The following LMNTD1 variants were observed in gnomAD, a reference collection of about 807,000 sequenced individuals.
LMNTD1 encodes the protein lamin tail domain containing 1, also known as lamin tail domain-containing protein 1.
In LMNTD1, 35 loss-of-function variants were observed where a neutral mutation model predicts 50.9. The observed-to-expected ratio is 0.69, with a 90% CI of 0.53 to 0.91. LMNTD1 has a LOEUF of 0.91. LMNTD1 is among the 40% of genes least tolerant of loss of function. The pLI, the probability that LMNTD1 is intolerant of heterozygous loss-of-function variation, is 0.00. For synonymous variants in LMNTD1, 153 were observed against 161.9 expected (o/e 0.94, Z 0.42); for missense variants, 470 against 475.5 (o/e 0.99, Z 0.11).
chr12:25,642,660 C>T (rs1946979731), intron 1 of LMNTD1, among the ~76,000 whole-genome samples: 1 of 152,150 alleles, frequency 6.6e-6, no homozygotes, highest in Non-Finnish European at 1.5e-5. Context: ...TAACTTTCTT[C>T]CTTTCAAAAA....
At chr12:25,527,498 T>C (rs1485938280) in intron 4 of LMNTD1, among the ~76,000 whole-genome samples, 1 of 151,062 alleles carries the variant, frequency 6.6e-6, no homozygotes, top group Non-Finnish European at 1.5e-5. Flanking sequence ...TCATTATGTA[T>C]CAGCATTTTT....
At chr12:25,573,818 A>G (rs184359628) in intron 1 of LMNTD1, among the ~76,000 whole-genome samples, 1 of 152,076 alleles carries the variant, frequency 6.6e-6, no homozygotes, top group South Asian at 2.1e-4. Context: ...TTCACCTACC[A>G]CATGAGTCTC....
At chr12:25,603,602 G>T (rs1325193023) in intron 1 of LMNTD1, among the ~76,000 whole-genome samples, 1 of 151,928 alleles carries the variant, frequency 6.6e-6, no homozygotes, top group Non-Finnish European at 1.5e-5. Context: ...AGAAATATTT[G>T]TTGAAAAAAT....
intron 8 of LMNTD1, among the ~76,000 whole-genome samples, chr12:25,516,243 T>G (rs1279767212): frequency 1.3e-5 from 2 of 152,266 alleles, no homozygotes; most frequent in Admixed American, 1.3e-4. Flanking sequence ...GAAAAAAAAG[T>G]TATGTAACGA....
intron 1 of LMNTD1, among the ~76,000 whole-genome samples, chr12:25,581,824 T>C (rs185345796): frequency 2.6e-5 from 4 of 152,354 alleles, no homozygotes; most frequent in Admixed American, 2.6e-4. Flanking sequence ...CATGTTACTG[T>C]ACTGAATACT....
chr12:25,538,195 A>C (rs201765448), intron 4 of LMNTD1, among the ~76,000 whole-genome samples: 18,260 of 74,102 alleles, frequency 0.25, 6,864 homozygotes, highest in East Asian at 0.55. Context: ...AAGGCAGGCC[A>C]ACATTCAGAT....
At chr12:25,522,695 T>C (rs531198956) in intron 6 of LMNTD1, among the ~76,000 whole-genome samples, 1 of 152,256 alleles carries the variant, frequency 6.6e-6, no homozygotes, top group East Asian at 1.9e-4. Flanking sequence ...TGCAAAACAA[T>C]GTATTGGGAA....
intron 1 of LMNTD1, among the ~76,000 whole-genome samples, chr12:25,624,222 G>C (rs1027272479): frequency 1.3e-5 from 2 of 152,012 alleles, no homozygotes; most frequent in African/African-American, 2.4e-5. Flanking sequence ...CTTTTCAGAA[G>C]TAGTTAACTC....
intron 3 of LMNTD1, among the ~76,000 whole-genome samples, chr12:25,548,018 G>A (rs1943532581): frequency 6.6e-6 from 1 of 151,708 alleles, no homozygotes; most frequent in East Asian, 1.9e-4. Context: ...TAGAACATAT[G>A]CCATGATGAT....
At chr12:25,523,249 G>T (rs1941470701) in intron 6 of LMNTD1, among the ~76,000 whole-genome samples, 1 of 152,070 alleles carries the variant, frequency 6.6e-6, no homozygotes, top group Non-Finnish European at 1.5e-5. Context: ...GGCCAGGCTG[G>T]TATCAAACTC....
At chr12:25,635,198 C>T (rs1213847059) in intron 1 of LMNTD1, among the ~76,000 whole-genome samples, 2 of 148,152 alleles carry the variant, frequency 1.3e-5, no homozygotes, top group Non-Finnish European at 3.0e-5. Context: ...CGAAATCACA[C>T]CATTGCACTC....
At chr12:25,629,984 A>C (rs1269408245) in intron 1 of LMNTD1, among the ~76,000 whole-genome samples, 1 of 152,164 alleles carries the variant, frequency 6.6e-6, no homozygotes, top group Non-Finnish European at 1.5e-5. Flanking sequence ...GTGGATGCTA[A>C]CCAATGGAAG....
chr12:25,533,716 G>T (rs907856589), intron 4 of LMNTD1, among the ~76,000 whole-genome samples: 3 of 152,136 alleles, frequency 2.0e-5, no homozygotes, highest in Non-Finnish European at 1.5e-5. Context: ...GAGCCCTCAC[G>T]CCTGAAAGTT....
At chr12:25,522,429 C>T (rs1008872584) in intron 6 of LMNTD1, among the ~76,000 whole-genome samples, 2 of 152,072 alleles carry the variant, frequency 1.3e-5, no homozygotes, top group Non-Finnish European at 2.9e-5. Context: ...TCTAGAATGT[C>T]GGCCACATGA....
At chr12:25,492,053 A>G (rs1938900949) in intron 9 of LMNTD1, among the ~76,000 whole-genome samples, 1 of 152,226 alleles carries the variant, frequency 6.6e-6, no homozygotes, top group Non-Finnish European at 1.5e-5. Context: ...TAGATTTCAA[A>G]CTATGGGAAA....
chr12:25,519,077 C>A lies in LMNTD1; in HGVS notation c.1017-110G>T, dbSNP rs1941036388. On this transcript the variant is annotated intron_variant, in intron 7 of 9. Transcript: ENST00000458174. ...ATATTTCAAAACCAAGAGAATATGA[C>A]TTTTTAAACTTTGTGGGCAGAACTT... 3.0e-6 allele frequency: 3 copies of A among 997,826 alleles called. No individual in the cohort carries two copies. In the East Asian group the frequency reaches 7.7e-5, roughly 26 times the overall value. The allele number at this position is 997,826 out of a possible 1,614,324, so 61.8% of individuals were successfully genotyped here.
chr12:25,622,640 G>C (rs924955949), intron 1 of LMNTD1, among the ~76,000 whole-genome samples: 1 of 152,080 alleles, frequency 6.6e-6, no homozygotes, highest in African/African-American at 2.4e-5. Context: ...TATTTAGTAA[G>C]CCTTTACTCT....
At chr12:25,567,366 G>A (rs895416825) in intron 1 of LMNTD1, among the ~76,000 whole-genome samples, 1 of 152,100 alleles carries the variant, frequency 6.6e-6, no homozygotes, top group Non-Finnish European at 1.5e-5. Context: ...TTCAGAGTCA[G>A]CCATACTCAA....
At chr12:25,578,702 A>G (rs1026091626) in intron 1 of LMNTD1, among the ~76,000 whole-genome samples, 2 of 152,210 alleles carry the variant, frequency 1.3e-5, no homozygotes, top group Non-Finnish European at 2.9e-5. Flanking sequence ...GCCTGTTACT[A>G]TAACACAGCA....
Sources: allele counts gnomAD v4.1 joint callset (sites outside exome capture counted in the v4.1 genomes callset), GRCh38; gene constraint gnomAD v4.1.1; transcripts MANE v1.5; gene names NCBI Gene and HGNC (gene_info 2026-07-23, HGNC 2026-07-21).